DPP10: variants seen among roughly 807,000 people sequenced by gnomAD.
The protein encoded by DPP10 is inactive dipeptidyl peptidase 10.
Under a neutral mutation model 120.9 loss-of-function variants are expected in DPP10, and 33 were observed. The ratio of observed to expected loss-of-function variants is 0.27; its 90% CI spans 0.21 to 0.37. The LOEUF (loss-of-function observed/expected upper bound fraction) is 0.37. DPP10 is among the 10% of genes least tolerant of loss of function. The pLI is 1.00. For synonymous variants in DPP10, 337 were observed against 326.1 expected (o/e 1.03, Z -0.36); for missense variants, 816 against 942.8 (o/e 0.87, Z 1.76).
At chr2:114,799,856 C>A (rs988027005) in intron 1 of DPP10, among the ~76,000 whole-genome samples, 5 of 152,122 alleles carry the variant, frequency 3.3e-5, no homozygotes, top group Non-Finnish European at 7.4e-5. Context: ...GAGCAGGTTT[C>A]CATTTGAAAT....
intron 17 of DPP10, among the ~76,000 whole-genome samples, chr2:115,782,882 T>C (rs1164906724): frequency 1.3e-5 from 2 of 152,120 alleles, no homozygotes; most frequent in African/African-American, 4.8e-5. Flanking sequence ...TTCATTTGTA[T>C]ATTTGTTAGG....
rs139854364 is a variant in DPP10, at chr2:114,691,436, G to C, written c.60+248598G>C. The stretch of plus-strand genomic sequence containing the variant: ...AAGCCAACTTGATCATGGTGGAAAA[G>C]CTTTTTGATGTGCTGCTGGATTTGG... On this transcript the variant is annotated intron_variant, in intron 1 of 25. Transcript: ENST00000410059. Among the ~76,000 whole-genome samples the C allele has an allele frequency of 3.4e-3, 514 of 152,110 alleles. 5 individuals are homozygous for C. In the East Asian group the frequency reaches 0.038, roughly 11 times the overall value.
At chr2:115,664,597 A>C (rs2089292462) in intron 5 of DPP10, among the ~76,000 whole-genome samples, 1 of 152,168 alleles carries the variant, frequency 6.6e-6, no homozygotes. Context: ...GCTTTTCTCA[A>C]GAAAAATCTG....
At chr2:114,831,857 A>AATATATAT (rs3036394) in intron 1 of DPP10, among the ~76,000 whole-genome samples, 1 of 146,098 alleles carries the variant, frequency 6.8e-6, no homozygotes, top group East Asian at 2.0e-4. Flanking sequence ...AATTAAAAAA[A>AATATATAT]ATATATATAT....
At chr2:115,381,009 G>A (rs2066293026) in intron 3 of DPP10, among the ~76,000 whole-genome samples, 1 of 152,064 alleles carries the variant, frequency 6.6e-6, no homozygotes, top group African/African-American at 2.4e-5. Context: ...TTCAACTTTG[G>A]TGAATCTGAC....
chr2:115,383,262 G>T (rs1447540091), intron 3 of DPP10, among the ~76,000 whole-genome samples: 3 of 152,140 alleles, frequency 2.0e-5, no homozygotes, highest in Admixed American at 1.3e-4. Flanking sequence ...TTCCGATGCT[G>T]TTCTCATGAT....
chr2:115,755,756 C>T (rs553832186), intron 11 of DPP10, among the ~76,000 whole-genome samples: 9 of 151,770 alleles, frequency 5.9e-5, no homozygotes, highest in Non-Finnish European at 1.0e-4. Flanking sequence ...GGCATTTATC[C>T]GAAACAAAGG....
intron 1 of DPP10, among the ~76,000 whole-genome samples, chr2:114,658,551 G>T (rs576448944): frequency 6.6e-6 from 1 of 152,092 alleles, no homozygotes; most frequent in African/African-American, 2.4e-5. Context: ...ATCCACTAGG[G>T]TTGGGTTGGA....
intron 1 of DPP10, among the ~76,000 whole-genome samples, chr2:115,205,755 T>G (rs1461453400): frequency 6.6e-6 from 1 of 152,162 alleles, no homozygotes; most frequent in African/African-American, 2.4e-5. Flanking sequence ...GAGGCCATTA[T>G]TGTCAGCAAT....
intron 1 of DPP10, among the ~76,000 whole-genome samples, chr2:114,468,478 C>T (rs752069324): frequency 5.3e-5 from 8 of 150,386 alleles, no homozygotes; most frequent in Non-Finnish European, 8.9e-5. Flanking sequence ...CGATAGCTAT[C>T]CAAAGGTTCA....
intron 3 of DPP10, among the ~76,000 whole-genome samples, chr2:115,387,620 G>T (rs1374804104): frequency 6.6e-6 from 1 of 152,022 alleles, no homozygotes; most frequent in Non-Finnish European, 1.5e-5. Context: ...TATGCAATTG[G>T]TACATTCTTA....
At chr2:115,789,120 AAAAAAAT>A (rs1337793647) in intron 17 of DPP10, among the ~76,000 whole-genome samples, 3 of 152,190 alleles carry the variant, frequency 2.0e-5, no homozygotes, top group Non-Finnish European at 4.4e-5. Context: ...TCCGTCTCAA[AAAAAAAT>A]AAAAAATAAA....
intron 1 of DPP10, among the ~76,000 whole-genome samples, chr2:115,103,098 A>G (rs2048773181): frequency 6.6e-6 from 1 of 152,170 alleles, no homozygotes; most frequent in Non-Finnish European, 1.5e-5. Flanking sequence ...AACTTAATAC[A>G]TAAAAATCTC....
intron 4 of DPP10, among the ~76,000 whole-genome samples, chr2:115,515,992 A>G (rs1305485282): frequency 6.6e-6 from 1 of 152,144 alleles, no homozygotes; most frequent in African/African-American, 2.4e-5. Context: ...TTATCTTAGC[A>G]TTCTACACAC....
intron 1 of DPP10, among the ~76,000 whole-genome samples, chr2:114,968,851 A>G (rs925077602): frequency 6.6e-6 from 1 of 152,166 alleles, no homozygotes; most frequent in African/African-American, 2.4e-5. Context: ...GTACCTGACA[A>G]TATTTGCCTA....
At chr2:114,614,002 A>G (rs1280666305) in intron 1 of DPP10, among the ~76,000 whole-genome samples, 1 of 152,098 alleles carries the variant, frequency 6.6e-6, no homozygotes, top group Non-Finnish European at 1.5e-5. Context: ...GGGCATTAGG[A>G]CAAATACCTA....
chr2:114,890,830 C>T (rs530900805), intron 1 of DPP10, among the ~76,000 whole-genome samples: 4 of 148,240 alleles, frequency 2.7e-5, no homozygotes, highest in South Asian at 2.2e-4. Context: ...CAAATGCTGT[C>T]GCTCTACATA....
At chr2:115,313,255 T>C (rs142062767) in intron 2 of DPP10, among the ~76,000 whole-genome samples, 2,481 of 152,190 alleles carry the variant, frequency 0.016, 63 homozygotes, top group African/African-American at 0.057. Flanking sequence ...CATAAATTCA[T>C]ATAGCTTTTA....
chr2:115,190,307 G>A (rs1379446454), intron 1 of DPP10, among the ~76,000 whole-genome samples: 1 of 151,840 alleles, frequency 6.6e-6, no homozygotes, highest in African/African-American at 2.4e-5. Flanking sequence ...TGTAAACATG[G>A]GGGTCAAAGG....
Sources: allele counts gnomAD v4.1 joint callset (sites outside exome capture counted in the v4.1 genomes callset), GRCh38; gene constraint gnomAD v4.1.1; transcripts MANE v1.5; gene names NCBI Gene and HGNC (gene_info 2026-07-23, HGNC 2026-07-21).